Variants in UBXN7 observed in about 807,000 individuals in gnomAD.
UBXN7 encodes the protein UBX domain-containing protein 7.
UBXN7 carries 9 observed loss-of-function variants against 58.0 expected under a neutral mutation model. The observed-to-expected ratio is 0.16, with a 90% CI of 0.09 to 0.27. The LOEUF is 0.27. Ranked by LOEUF, UBXN7 falls within the 10% of genes least tolerant of loss-of-function variation. The pLI is 1.00. For missense variants in UBXN7, 328 were observed against 599.6 expected, an observed-to-expected ratio of 0.55 and a Z score of 4.73; for synonymous variants, 208 against 205.0, an observed-to-expected ratio of 1.01 and a Z score of -0.12.
intron 5 of UBXN7, among the ~76,000 whole-genome samples, chr3:196,390,612 G>A (rs868458115): frequency 2.0e-5 from 3 of 151,794 alleles, no homozygotes; most frequent in South Asian, 2.1e-4. Flanking sequence ...GTGGTGGTGC[G>A]CACCTGTTTT....
In UBXN7 at chr3:196,362,482, G is replaced by T; in HGVS notation, c.1040C>A (p.Ser347Tyr). The change falls in exon 9 of 11, where the codon TCC becomes TAC. Residue 347 changes from serine to tyrosine, a missense_variant. Ser to Tyr is a moderately radical substitution (Grantham distance 144, BLOSUM62 -2). Coordinates refer to ENST00000296328, the MANE Select transcript of UBXN7 (RefSeq NM_015562.2). ...EEEEVENLAK[S>Y]RKSPHKDLGH... ...CAAATCTTTGTGGGGAGACTTTCTGGACTTGGCAAGATTCTCTACCTCTTC... is the reference window on the plus strand; with the variant it reads ...CAAATCTTTGTGGGGAGACTTTCTGTACTTGGCAAGATTCTCTACCTCTTC... 6.2e-7 allele frequency: 1 copy of T among 1,614,096 alleles called. No homozygotes were observed. The highest frequency in any genetic ancestry group is 8.5e-7 in the Non-Finnish European group (1 of 1,180,034).
intron 2 of UBXN7, among the ~76,000 whole-genome samples, chr3:196,406,225 G>C (rs559300229): frequency 6.6e-6 from 1 of 151,860 alleles, no homozygotes; most frequent in African/African-American, 2.4e-5. Flanking sequence ...TAGAGACAGG[G>C]TTTTGCTATA....
At chr3:196,370,129 A>G (rs1013443270) in intron 6 of UBXN7, among the ~76,000 whole-genome samples, 4 of 109,870 alleles carry the variant, frequency 3.6e-5, no homozygotes, top group Non-Finnish European at 8.4e-5. Flanking sequence ...ACTTGTCTCA[A>G]AAAAAAAAAA....
At chr3:196,396,808 A>G (rs1204716829) in intron 3 of UBXN7, among the ~76,000 whole-genome samples, 3 of 152,176 alleles carry the variant, frequency 2.0e-5, no homozygotes, top group African/African-American at 7.2e-5. Context: ...GAATAAGAAT[A>G]GCTGCCTAAG....
At chr3:196,361,373 A>G (rs1000383628) in intron 10 of UBXN7, among the ~76,000 whole-genome samples, 3 of 152,232 alleles carry the variant, frequency 2.0e-5, no homozygotes, top group African/African-American at 7.2e-5. Context: ...AAATGACAAC[A>G]AAGGATTTAG....
rs574397830 is a variant in UBXN7 at position 196,369,235 on chromosome 3, C to T, written c.706+186G>A. Among the ~76,000 whole-genome samples, 102 of 152,120 alleles carry T rather than the reference C, an allele frequency of 6.7e-4. 1 individual carries two copies. The highest frequency in any genetic ancestry group is 4.1e-3 in the Admixed American group (62 of 15,272). On this transcript the variant is annotated intron_variant, in intron 7 of 10. Transcript: ENST00000296328. ...AAATACTACCATCTCCCAATGTTGCCAGAAAAAGATGTCCTAAATACATAC... is the reference window on the plus strand; with the variant it reads ...AAATACTACCATCTCCCAATGTTGCTAGAAAAAGATGTCCTAAATACATAC...
intron 10 of UBXN7, among the ~76,000 whole-genome samples, chr3:196,357,547 G>T (rs1171393580): frequency 6.6e-6 from 1 of 152,156 alleles, no homozygotes; most frequent in South Asian, 2.1e-4. Context: ...GCCAAGGAGG[G>T]GGACAGCTTG....
intron 5 of UBXN7, among the ~76,000 whole-genome samples, chr3:196,379,900 G>C (rs1239055875): frequency 1.3e-5 from 2 of 152,182 alleles, no homozygotes; most frequent in Non-Finnish European, 2.9e-5. Flanking sequence ...GATCCCAAGA[G>C]AGGGTTCTTG....
At chr3:196,357,827 C>T (rs1393556969) in intron 10 of UBXN7, among the ~76,000 whole-genome samples, 1 of 151,988 alleles carries the variant, frequency 6.6e-6, no homozygotes. Context: ...ACCCGCACTC[C>T]AGCCTGGGTA....
At chr3:196,375,000 G>A (rs188537192) in intron 5 of UBXN7, among the ~76,000 whole-genome samples, 18 of 28,112 alleles carry the variant, frequency 6.4e-4, no homozygotes, top group East Asian at 1.7e-3. Context: ...GGGAGGGAGG[G>A]AGGGAGGAAG....
At position 196,350,320 on chromosome 3, in the gene UBXN7, G is replaced by A. The variant is rs2108821051; in HGVS notation, c.*6365C>T. ...ACAGCAACTGGTAGGCCACAAAGAG[G>A]GTGGGGTATCACAGAGCTAGCCATT... is the stretch of plus-strand genomic sequence containing the variant. On this transcript the variant is annotated 3_prime_UTR_variant, in exon 11 of 11. Coordinates refer to ENST00000296328, the MANE Select transcript of UBXN7 (RefSeq NM_015562.2). 6.6e-6 allele frequency: 1 copy of A among 152,278 alleles called. No individual in the cohort carries two copies. The highest frequency in any genetic ancestry group is 2.4e-5 in the African/African-American group (1 of 41,556). The allele number at this position is 152,278 out of a possible 1,614,324, so 9.4% of individuals were successfully genotyped here. A position where few individuals can be genotyped will look rare whatever the true frequency, so the allele number is the denominator to read the frequency against.
rs536710847 is a variant in UBXN7 at position 196,417,170 on chromosome 3, G to A, written c.74-9777C>T. 2.8e-4 allele frequency among the ~76,000 whole-genome samples: 43 copies of A among 152,214 alleles called. 1 individual carries two copies. The highest frequency in any genetic ancestry group is 8.4e-4 in the African/African-American group (35 of 41,534). On this transcript the variant is annotated intron_variant, in intron 1 of 10. Coordinates refer to ENST00000296328, the MANE Select transcript of UBXN7 (RefSeq NM_015562.2). ...CTACTAAAAATACAAAAAATTAGCC[G>A]GGCGTGGTGGCGGGCGCTTGTAGTC...
chr3:196,403,018 C>G lies in UBXN7; in HGVS notation c.223G>C (p.Glu75Gln). The G allele has an allele frequency of 1.3e-6, 2 of 1,587,790 alleles. No homozygotes were observed. The highest frequency in any genetic ancestry group is 8.5e-7 in the Non-Finnish European group (1 of 1,174,074). ...TGAGGAATTGGGGCACGAACTTCTT[C>G]TCTATTAAAAAAAAATGGGAAAATA... ...SVSTVRPHTE[E>Q]EVRAPIPQKQ... The change falls in exon 3 of 11, where the codon GAA (glutamate) becomes CAA (glutamine). Residue 75 changes from glutamate to glutamine, a missense_variant and splice_region_variant. Glu to Gln is a conservative substitution (Grantham distance 29, BLOSUM62 2). This residue lies in a region of UBXN7 where 106 missense variants were observed against 124.3 expected (regional missense o/e 0.85). Coordinates refer to ENST00000296328, the MANE Select transcript of UBXN7 (RefSeq NM_015562.2).
intron 5 of UBXN7, among the ~76,000 whole-genome samples, chr3:196,388,312 G>A (rs913184808): frequency 1.7e-5 from 2 of 117,290 alleles, no homozygotes; most frequent in African/African-American, 6.6e-5. Flanking sequence ...GGGCTGGGGG[G>A]CTGGGGGAGG....
chr3:196,386,102 T>C (rs978621324), intron 5 of UBXN7, among the ~76,000 whole-genome samples: 1 of 152,068 alleles, frequency 6.6e-6, no homozygotes, highest in Non-Finnish European at 1.5e-5. Flanking sequence ...CTCTGAAACA[T>C]GTGCTGTGTC....
chr3:196,407,212 G>A (rs770428779), intron 2 of UBXN7, 34 bp downstream of exon 2: 7 of 1,602,044 alleles, frequency 4.4e-6, no homozygotes, highest in Non-Finnish European at 6.0e-6. Flanking sequence ...TTTAGGCAAT[G>A]GATAGCTCCT....
chr3:196,372,186 A>G, intron 5 of UBXN7, 144 bp from the exon 6 acceptor site: 5 of 835,252 alleles, frequency 6.0e-6, no homozygotes, highest in Non-Finnish European at 8.8e-6. Flanking sequence ...GCATTTATAC[A>G]TTCTATATAT....
chr3:196,427,612 C>T (rs1312783305), intron 1 of UBXN7, among the ~76,000 whole-genome samples: 2 of 152,210 alleles, frequency 1.3e-5, no homozygotes, highest in East Asian at 3.8e-4. Context: ...AGCCACCGCA[C>T]CTGGCTTCAA....
intron 1 of UBXN7, among the ~76,000 whole-genome samples, chr3:196,422,324 A>G (rs138214917): frequency 3.2e-4 from 48 of 151,502 alleles, no homozygotes; most frequent in African/African-American, 1.2e-3. Flanking sequence ...TATACAGAAA[A>G]TTAAAAATTA....
Sources: gnomAD v4.1 joint callset for allele counts (sites outside exome capture counted in the v4.1 genomes callset) on GRCh38, gnomAD v4.1.1 for gene constraint, gnomAD v4.1.1 regional missense constraint, MANE v1.5 for transcripts, NCBI Gene and HGNC (gene_info 2026-07-23, HGNC 2026-07-21) for gene names.